Variants in RILPL1 observed in about 807,000 individuals in gnomAD.
RILPL1 encodes the protein Rab interacting lysosomal protein like 1, also known as RILP-like protein 1.
Under a neutral mutation model 50.3 loss-of-function variants are expected in RILPL1, and 33 were observed. The ratio of observed to expected loss-of-function variants is 0.66; its 90% confidence interval spans 0.50 to 0.88. The LOEUF (loss-of-function observed/expected upper bound fraction) is 0.88, where lower values mean the gene tolerates loss of function less well. Among genes scored for constraint, RILPL1 ranks in the 40% least tolerant of loss-of-function variants. RILPL1 has a pLI of 0.00. For synonymous variants in RILPL1, 205 were observed against 228.6 expected (o/e 0.90, Z 0.93); for missense variants, 418 against 542.5 (o/e 0.77, Z 2.28).
rs945340823 is a variant in RILPL1, at chr12:123,533,170, C to T, written c.309+4G>A. On this transcript the variant is annotated splice_donor_region_variant and intron_variant, in intron 1 of 6. Transcript: ENST00000376874. This position sits in a 1 kb window ranked among gnomAD's most constrained non-coding sequence, Gnocchi z 6.2. Reference sequence around the variant, plus strand: ...CGGACGGACAGACCGAGGCCGCCGCCCACCTTCTGGTGCTTGCGCTCCTTC... The same window carrying T: ...CGGACGGACAGACCGAGGCCGCCGCTCACCTTCTGGTGCTTGCGCTCCTTC... 1.7e-5 allele frequency: 26 copies of T among 1,536,454 alleles called. No homozygotes were observed. Among genetic ancestry groups the T allele is most frequent in the Non-Finnish European group, 2.1e-5 (24 of 1,143,302 alleles).
In RILPL1 at chr12:123,485,898, G is replaced by T; in HGVS notation, c.802-93C>A. 4 of 1,328,366 alleles carry T rather than the reference G, an allele frequency of 3.0e-6. No individual in the cohort carries two copies. Among genetic ancestry groups the T allele is most frequent in the Non-Finnish European group, 4.0e-6 (4 of 997,372 alleles). The allele number at this position is 1,328,366 out of a possible 1,614,324, so 82.3% of individuals were successfully genotyped here. A position where few individuals can be genotyped will look rare whatever the true frequency, so the allele number is the denominator to read the frequency against. ...AAGGAGCCCAAATTCTCCCCCTCCC[G>T]GGGTGCCAGCAGCCTGTGGAGGGTG... On this transcript the variant is annotated intron_variant, in intron 4 of 6. Coordinates refer to ENST00000376874, the MANE Select transcript of RILPL1 (RefSeq NM_178314.5). The surrounding 1 kb of genome is among the most constrained non-coding windows in gnomAD (Gnocchi z 4.0).
intron 1 of RILPL1, among the ~76,000 whole-genome samples, chr12:123,524,387 A>G (rs910200993): frequency 6.6e-6 from 1 of 152,306 alleles, no homozygotes; most frequent in East Asian, 1.9e-4. Flanking sequence ...CAGTTTCGCA[A>G]AAACATTAAC....
At chr12:123,521,607 AC>A (rs1885029090) in intron 2 of RILPL1, among the ~76,000 whole-genome samples, 2 of 10,342 alleles carry the variant, frequency 1.9e-4, no homozygotes, top group African/African-American at 2.3e-4. Context: ...TAATATATAT[AC>A]ACACATATGT....
chr12:123,492,426 G>T (rs565114827), intron 4 of RILPL1, among the ~76,000 whole-genome samples: 2 of 152,276 alleles, frequency 1.3e-5, no homozygotes, highest in East Asian at 3.9e-4. Flanking sequence ...AGGGGCTGGG[G>T]AAGGGAGGAG....
chr12:123,524,296 C>T (rs1885172018), intron 1 of RILPL1, among the ~76,000 whole-genome samples: 1 of 152,172 alleles, frequency 6.6e-6, no homozygotes, highest in South Asian at 2.1e-4. Flanking sequence ...CAAGTGCTGA[C>T]AAGGATAGGA....
chr12:123,473,837 ACAAAAG>A (rs1881390750), intron 6 of RILPL1: 1 of 107,344 alleles, frequency 9.3e-6, no homozygotes, highest in Non-Finnish European at 2.2e-5. Flanking sequence ...AAAGAAAAAA[ACAAAAG>A]AAAAAAAAAA....
intron 2 of RILPL1, among the ~76,000 whole-genome samples, chr12:123,504,143 T>C (rs1484550415): frequency 6.6e-6 from 1 of 152,172 alleles, no homozygotes; most frequent in Non-Finnish European, 1.5e-5. Flanking sequence ...GTGCTGGGGC[T>C]GCCAGTGCAC....
chr12:123,525,456 T>C (rs1170186617), intron 1 of RILPL1, among the ~76,000 whole-genome samples: 1 of 149,786 alleles, frequency 6.7e-6, no homozygotes, highest in Non-Finnish European at 1.5e-5. Context: ...CCTCAGCACT[T>C]TGGGAGGCCG....
At position 123,485,689 on chromosome 12, in the gene RILPL1, C is replaced by G. The variant is rs1192300020; in HGVS notation, c.918G>C (p.Arg306Ser). The G allele has an allele frequency of 1.2e-6, 2 of 1,613,672 alleles. No individual in the cohort carries two copies. Among genetic ancestry groups the G allele is most frequent in the Admixed American group, 1.7e-5 (1 of 59,956 alleles). Residue 306 changes from arginine to serine, a missense_variant, in exon 5 of 7, where the codon AGG (arginine) becomes AGC (serine). Transcript: ENST00000376874. This position sits in a 1 kb window ranked among gnomAD's most constrained non-coding sequence, Gnocchi z 4.0. ...LQELRDVLHE[R>S]NELKSKVFLL... The stretch of plus-strand genomic sequence containing the variant: ...AGAACACCTTGGACTTGAGCTCGTT[C>G]CTCTCGTGCAGCACGTCCCGCAGCT...
At chr12:123,501,893 T>C (rs913140350) in intron 2 of RILPL1, among the ~76,000 whole-genome samples, 1 of 150,512 alleles carries the variant, frequency 6.6e-6, no homozygotes, top group African/African-American at 2.4e-5. Flanking sequence ...CTGACCAACA[T>C]GGAGAAACCC....
intron 6 of RILPL1, among the ~76,000 whole-genome samples, chr12:123,477,896 G>A (rs1881701655): frequency 6.6e-6 from 1 of 151,402 alleles, no homozygotes. Flanking sequence ...TGGGAATGCT[G>A]GACTTCATTT....
chr12:123,489,509 C>CA lies in RILPL1; in HGVS notation c.802-3705dup, dbSNP rs1245571307. Among the ~76,000 whole-genome samples the CA allele has an allele frequency of 6.6e-6, 1 of 151,786 alleles. No homozygotes were observed. Among genetic ancestry groups the CA allele is most frequent in the Non-Finnish European group, 1.5e-5 (1 of 67,936 alleles). On this transcript the variant is annotated intron_variant, in intron 4 of 6. Transcript: ENST00000376874. The surrounding 1 kb of genome is among the most constrained non-coding windows in gnomAD (Gnocchi z 4.0). ...GAAACCCCGTCTCTACTAAAAAACA[C>CA]AAAAATTAGTCAGGCATGGTGGTGG...
Position 123,489,623 on chromosome 12 carries a change from CACTGT to C in RILPL1, c.802-3823_802-3819del, listed in dbSNP as rs376629315. The stretch of plus-strand genomic sequence containing the variant: ...AGGTTACAGTGAGCTGACACGGTGC[CACTGT>C]ACTCCAGCCTGGGCGACAGAGCGAC... On this transcript the variant is annotated intron_variant, in intron 4 of 6. Coordinates refer to ENST00000376874, the MANE Select transcript of RILPL1 (RefSeq NM_178314.5). The surrounding 1 kb of genome is among the most constrained non-coding windows in gnomAD (Gnocchi z 4.0). Among the ~76,000 whole-genome samples, 138 of 151,966 alleles carry C rather than the reference CACTGT, an allele frequency of 9.1e-4. 1 individual carries two copies. The highest frequency in any genetic ancestry group is 3.4e-3 in the Middle Eastern group (1 of 294).
intron 2 of RILPL1, among the ~76,000 whole-genome samples, chr12:123,511,407 TGTG>T (rs1884185714): frequency 6.8e-6 from 1 of 147,064 alleles, no homozygotes; most frequent in African/African-American, 2.5e-5. Context: ...GGTCTGTGTG[TGTG>T]AGGTCTGTGT....
intron 2 of RILPL1, among the ~76,000 whole-genome samples, chr12:123,510,754 G>A (rs565681633): frequency 7.0e-4 from 76 of 107,880 alleles, no homozygotes; most frequent in South Asian, 6.5e-3. Context: ...TGAGGTCTGT[G>A]TGTGTGAATG....
At chr12:123,521,718 TATAC>T (rs1421067110) in intron 2 of RILPL1, among the ~76,000 whole-genome samples, 1 of 125,850 alleles carries the variant, frequency 7.9e-6, no homozygotes, top group African/African-American at 2.9e-5. Flanking sequence ...TAAATATATA[TATAC>T]ACACATATAT....
At chr12:123,531,947 A>G (rs1265483590) in intron 1 of RILPL1, among the ~76,000 whole-genome samples, 1 of 152,200 alleles carries the variant, frequency 6.6e-6, no homozygotes, top group East Asian at 1.9e-4. Flanking sequence ...TGGGAGCCTG[A>G]GTTTCCTTCC....
Position 123,498,910 on chromosome 12 carries a change from G to T in RILPL1, c.580-145C>A. On this transcript the variant is annotated intron_variant, in intron 3 of 6. Coordinates refer to ENST00000376874, the MANE Select transcript of RILPL1 (RefSeq NM_178314.5). This position sits in a 1 kb window ranked among gnomAD's most constrained non-coding sequence, Gnocchi z 4.3. ...AGTTGTTCGTATTCTTATAGCTGATGATGCTAGAGATGGGCAATTTGTGTA... is the reference window on the plus strand; with the variant it reads ...AGTTGTTCGTATTCTTATAGCTGATTATGCTAGAGATGGGCAATTTGTGTA... The T allele has an allele frequency of 1.4e-6, 1 of 696,432 alleles. No homozygotes were observed. The highest frequency in any genetic ancestry group is 1.8e-5 in the South Asian group (1 of 55,620). The allele number at this position is 696,432 out of a possible 1,614,324, so 43.1% of individuals were successfully genotyped here. A position where few individuals can be genotyped will look rare whatever the true frequency, so the allele number is the denominator to read the frequency against.
Position 123,523,537 on chromosome 12 carries a change from T to G in RILPL1, c.418A>C (p.Lys140Gln), listed in dbSNP as rs1459535528. The G allele has an allele frequency of 6.2e-7, 1 of 1,613,866 alleles. No individual in the cohort carries two copies. The highest frequency in any genetic ancestry group is 8.5e-7 in the Non-Finnish European group (1 of 1,179,878). Residue 140 changes from lysine (K) to glutamine (Q), a missense_variant, in exon 2 of 7, where the codon AAG becomes CAG. Physicochemically the swap from Lys to Gln is moderately conservative, Grantham distance 53 (BLOSUM62 1). Transcript: ENST00000376874. ...NKQLMTNLSH[K>Q]DVNFSEEEFQ... ...TCCTCCTCTGAGAAATTGACATCCT[T>G]GTGGGAGAGGTTGGTCATGAGCTGC...
Sources: gnomAD v4.1 joint callset for allele counts (sites outside exome capture counted in the v4.1 genomes callset) on GRCh38, gnomAD v4.1.1 for gene constraint, Gnocchi (gnomAD v3.1) non-coding constraint, MANE v1.5 for transcripts, NCBI Gene and HGNC (gene_info 2026-07-23, HGNC 2026-07-21) for gene names.